LHCGR: variants seen among roughly 807,000 people sequenced by gnomAD.
The protein encoded by LHCGR is luteinizing hormone/choriogonadotropin receptor.
A neutral mutation model predicts 60.7 loss-of-function variants in LHCGR; 55 were observed. The observed-to-expected ratio is 0.91, with a 90% CI of 0.73 to 1.13. LHCGR has a LOEUF of 1.13. LHCGR is among the 50% of genes most tolerant of loss of function. The pLI is 0.00. For synonymous variants in LHCGR, 337 were observed against 316.5 expected (o/e 1.06, Z -0.69); for missense variants, 862 against 836.0 (o/e 1.03, Z -0.38).
At chr2:48,743,775 T>A (rs1284058873) in intron 1 of LHCGR, among the ~76,000 whole-genome samples, 35 of 151,896 alleles carry the variant, frequency 2.3e-4, no homozygotes, top group African/African-American at 5.6e-4. Flanking sequence ...TCCCTTTGAA[T>A]ACTGGCACAA....
chr2:48,734,422 C>A (rs1669130270), intron 1 of LHCGR, among the ~76,000 whole-genome samples: 1 of 152,120 alleles, frequency 6.6e-6, no homozygotes, highest in South Asian at 2.1e-4. Context: ...CAGAGAGGGA[C>A]TTTGAATGGA....
rs1375682211 is a variant in LHCGR at position 48,688,839 on chromosome 2, T to C, written c.958A>G (p.Met320Val). 5 of 1,613,890 alleles carry C rather than the reference T, an allele frequency of 3.1e-6. No homozygotes were observed. Among genetic ancestry groups the C allele is most frequent in the Non-Finnish European group, 4.2e-6 (5 of 1,179,950 alleles). The change falls in exon 11 of 11, where the codon ATG (methionine) becomes GTG (valine). Residue 320 changes from methionine to valine, a missense_variant. Transcript: ENST00000294954. This position sits in a 1 kb window ranked among gnomAD's most constrained non-coding sequence, Gnocchi z 5.2. The stretch of plus-strand genomic sequence containing the variant: ...CCACTCAGTTCACTCTCAGCAAGCA[T>C]GGAAGAATAACTGTAAGAAGAATTA... ...KVNNKTLYSS[M>V]LAESELSGWD... is the part of the protein sequence containing the mutation.
intron 1 of LHCGR, chr2:48,733,099 A>C (rs1669079093): frequency 2.5e-6 from 1 of 403,870 alleles, no homozygotes; most frequent in East Asian, 6.7e-5. Context: ...CAGAAGAGAA[A>C]GCTGTATTCC....
chr2:48,742,188 A>G (rs1175938802), intron 1 of LHCGR, among the ~76,000 whole-genome samples: 3 of 152,026 alleles, frequency 2.0e-5, no homozygotes, highest in Non-Finnish European at 4.4e-5. Context: ...CCAGATTCAT[A>G]AAGCAAGTCC....
In LHCGR at chr2:48,713,967, G is replaced by A. The variant is rs202213578; in HGVS notation, c.605+19C>T. 62 of 1,558,696 alleles carry A rather than the reference G, an allele frequency of 4.0e-5. No homozygotes were observed. The highest frequency in any genetic ancestry group is 5.4e-5 in the Non-Finnish European group (61 of 1,129,648). ...ATTTCATTTTTATTCCTGAGCTGGGGAAATAAGCAAATACTTACAGTGAAG... is the reference window on the plus strand; with the variant it reads ...ATTTCATTTTTATTCCTGAGCTGGGAAAATAAGCAAATACTTACAGTGAAG... On this transcript the variant is annotated intron_variant, in intron 7 of 10. Transcript: ENST00000294954.
rs570619111 is a variant in LHCGR at position 48,726,622 on chromosome 2, C to T, written c.309-872G>A. Among the ~76,000 whole-genome samples, 34 of 152,304 alleles carry T rather than the reference C, an allele frequency of 2.2e-4. No individual in the cohort carries two copies. In the South Asian group the frequency reaches 7.0e-3, roughly 32 times the overall value. On this transcript the variant is annotated intron_variant, in intron 3 of 10. Transcript: ENST00000294954. Reference sequence around the variant, plus strand: ...TTGGGTTTCTTAATCCAGGTGACAGCCACCTGAGGAAATAATAATTACCTT... The same window carrying T: ...TTGGGTTTCTTAATCCAGGTGACAGTCACCTGAGGAAATAATAATTACCTT...
Position 48,714,003 on chromosome 2 carries a change from C to T in LHCGR, c.588G>A (p.Gly196=). Residue 196 remains glycine, a synonymous_variant, in exon 7 of 11, where the codon GGG becomes GGA. Coordinates refer to ENST00000294954, the MANE Select transcript of LHCGR (RefSeq NM_000233.4). ...ATACTTACAGTGAAGTCAGTGTCGTCCCATTGAATGCATGACTTTGTACTT... is the reference window on the plus strand; with the variant it reads ...ATACTTACAGTGAAGTCAGTGTCGTTCCATTGAATGCATGACTTTGTACTT... ...FEEVQSHAFN[G]TTLTSLELKE... The T allele has an allele frequency of 1.2e-6, 2 of 1,610,854 alleles. No homozygotes were observed. The highest frequency in any genetic ancestry group is 1.1e-5 in the South Asian group (1 of 91,012).
At chr2:48,716,907 A>T (rs1668273425) in intron 6 of LHCGR, among the ~76,000 whole-genome samples, 1 of 152,244 alleles carries the variant, frequency 6.6e-6, no homozygotes. Context: ...ATGCAGACTC[A>T]GACCTATTAA....
intron 1 of LHCGR, among the ~76,000 whole-genome samples, chr2:48,747,675 G>A (rs921008174): frequency 2.0e-5 from 3 of 152,112 alleles, no homozygotes; most frequent in African/African-American, 7.2e-5. Flanking sequence ...GTAAATCTAG[G>A]GGAAAGCTCC....
At chr2:48,748,241 T>C (rs148166349) in intron 1 of LHCGR, among the ~76,000 whole-genome samples, 188 of 152,294 alleles carry the variant, frequency 1.2e-3, no homozygotes, top group Middle Eastern at 3.4e-3. Context: ...AGATGGTATC[T>C]TTGGATCCTG....
chr2:48,738,858 G>C (rs1053386776), intron 1 of LHCGR, among the ~76,000 whole-genome samples: 1 of 152,198 alleles, frequency 6.6e-6, no homozygotes, highest in African/African-American at 2.4e-5. Flanking sequence ...TTTTATTCAA[G>C]TTAATTTCAC....
chr2:48,726,488 C>T (rs138590345), intron 3 of LHCGR, among the ~76,000 whole-genome samples: 1 of 152,212 alleles, frequency 6.6e-6, no homozygotes, highest in East Asian at 1.9e-4. Context: ...ATGTTATTGC[C>T]CTCCCCGCCC....
intron 8 of LHCGR, among the ~76,000 whole-genome samples, chr2:48,708,326 C>T (rs923010471): frequency 6.6e-6 from 1 of 152,148 alleles, no homozygotes; most frequent in Non-Finnish European, 1.5e-5. Flanking sequence ...GGTGGGTAGC[C>T]AGCCTCTTTG....
intron 3 of LHCGR, among the ~76,000 whole-genome samples, chr2:48,728,339 G>A (rs1458826459): frequency 6.6e-6 from 1 of 152,120 alleles, no homozygotes; most frequent in Admixed American, 6.6e-5. Flanking sequence ...GAAATGCCAA[G>A]CACAGAGCTC....
At chr2:48,724,014 G>A (rs927760573) in intron 4 of LHCGR, among the ~76,000 whole-genome samples, 16 of 152,142 alleles carry the variant, frequency 1.1e-4, no homozygotes, top group East Asian at 5.8e-4. Context: ...ACATTTTCCC[G>A]TATTGCATTC....
chr2:48,737,300 C>T (rs1397777929), intron 1 of LHCGR, among the ~76,000 whole-genome samples: 1 of 152,268 alleles, frequency 6.6e-6, no homozygotes, highest in African/African-American at 2.4e-5. Flanking sequence ...TTCTAAAACA[C>T]TACAAAATCA....
intron 6 of LHCGR, among the ~76,000 whole-genome samples, chr2:48,715,191 C>A (rs1409808358): frequency 2.0e-5 from 3 of 152,128 alleles, no homozygotes; most frequent in African/African-American, 7.2e-5. Context: ...CATCATCTGA[C>A]CCATGATTAC....
intron 3 of LHCGR, 116 bp from the exon 4 acceptor site, chr2:48,725,866 C>T (rs566391468): frequency 2.0e-4 from 163 of 834,820 alleles, no homozygotes; most frequent in African/African-American, 6.8e-4. Context: ...CAAAAGCAGG[C>T]GACCTTCATA....
At chr2:48,699,002 C>A (rs1394109399) in intron 8 of LHCGR, among the ~76,000 whole-genome samples, 1 of 152,034 alleles carries the variant, frequency 6.6e-6, no homozygotes, top group Non-Finnish European at 1.5e-5. Context: ...CTACCACGCC[C>A]GGCTAAGAGA....
Sources: allele counts gnomAD v4.1 joint callset (sites outside exome capture counted in the v4.1 genomes callset), GRCh38; gene constraint gnomAD v4.1.1; non-coding constraint Gnocchi (gnomAD v3.1); transcripts MANE v1.5; gene names NCBI Gene and HGNC (gene_info 2026-07-23, HGNC 2026-07-21).